TMEM181: variants seen among roughly 807,000 people sequenced by gnomAD.
The protein encoded by TMEM181 is G protein-coupled receptor 178.
TMEM181 carries 39 observed loss-of-function variants against 71.9 expected under a neutral mutation model. The ratio of observed to expected loss-of-function variants is 0.54; its 90% CI spans 0.42 to 0.71. TMEM181 has a LOEUF of 0.71. TMEM181 is among the 30% of genes least tolerant of loss of function. The pLI, the probability that TMEM181 is intolerant of heterozygous loss-of-function variation, is 0.00. For synonymous variants in TMEM181, 245 were observed against 228.8 expected, an observed-to-expected ratio of 1.07 and a Z score of -0.64; for missense variants, 595 against 583.0, an observed-to-expected ratio of 1.02 and a Z score of -0.21.
intron 1 of TMEM181, among the ~76,000 whole-genome samples, chr6:158,562,446 T>TTG (rs58150738): frequency 0.051 from 7,135 of 141,154 alleles, 369 homozygotes; most frequent in African/African-American, 0.15. Context: ...AAGGCTGTTT[T>TTG]TGTGTGTGTG....
chr6:158,633,628 C>CT lies in TMEM181; in HGVS notation c.*1741dup, dbSNP rs1422674497. On this transcript the variant is annotated 3_prime_UTR_variant, in exon 17 of 17. Coordinates refer to ENST00000684151, the MANE Select transcript of TMEM181 (RefSeq NM_001376852.1). ...GGACCTTAGAGATGTTCATGAGAAA[C>CT]TATTTGTTATGACTTTCCTTTGTAT... 1.1e-4 allele frequency: 17 copies of CT among 152,292 alleles called. No individual in the cohort carries two copies. The highest frequency in any genetic ancestry group is 4.1e-4 in the African/African-American group (17 of 41,570). The allele number at this position is 152,292 out of a possible 1,614,324, so 9.4% of individuals were successfully genotyped here.
rs1475786912 is a variant in TMEM181, at chr6:158,570,476, C to T, written c.9-2944C>T. Among the ~76,000 whole-genome samples, 11 of 151,882 alleles carry T rather than the reference C, an allele frequency of 7.2e-5. No homozygotes were observed. In the South Asian group the frequency reaches 1.0e-3, roughly 14 times the overall value. On this transcript the variant is annotated intron_variant, in intron 1 of 16. Coordinates refer to ENST00000684151, the MANE Select transcript of TMEM181 (RefSeq NM_001376852.1). ...CAGGATGGTCTCGATCTCCTGACCTCGTGATCCGCCCGCCTTGGCCTCCCA... is the reference window on the plus strand; with the variant it reads ...CAGGATGGTCTCGATCTCCTGACCTTGTGATCCGCCCGCCTTGGCCTCCCA...
At chr6:158,629,665 G>A (rs367861670) in intron 14 of TMEM181, 65 bp from the exon 15 acceptor site, 4 of 1,360,058 alleles carry the variant, frequency 2.9e-6, no homozygotes, top group Non-Finnish European at 4.0e-6. Context: ...AGGAGTGGTC[G>A]GGCTGTAGGC....
chr6:158,596,893 G>C (rs993892560), intron 6 of TMEM181, among the ~76,000 whole-genome samples: 1 of 152,240 alleles, frequency 6.6e-6, no homozygotes, highest in East Asian at 1.9e-4. Flanking sequence ...ACCTCCCCCG[G>C]GTCCCTCCCA....
chr6:158,629,667 G>A, intron 14 of TMEM181, 63 bp from the exon 15 acceptor site: 1 of 1,386,208 alleles, frequency 7.2e-7, no homozygotes, highest in African/African-American at 1.5e-5. Flanking sequence ...GAGTGGTCGG[G>A]CTGTAGGCAG....
Position 158,607,261 on chromosome 6 carries a change from C to T in TMEM181, c.591C>T (p.Ser197=), listed in dbSNP as rs1785004535. The change falls in exon 8 of 17, where the codon TCC becomes TCT. Residue 197 remains serine (S), a synonymous_variant. Transcript: ENST00000684151. The part of the protein sequence containing the change: ...TFIVTCLFAH[S]LRKFSMRDWG... ...GTTTGCAGTGCCTGTTTGCGCATTC[C>T]CTCCGGAAATTTTCCATGAGAGACT... is the stretch of plus-strand genomic sequence containing the variant. 1.2e-6 allele frequency: 2 copies of T among 1,614,066 alleles called. No individual in the cohort carries two copies. The highest frequency in any genetic ancestry group is 2.7e-5 in the African/African-American group (2 of 74,932).
At position 158,625,158 on chromosome 6, in the gene TMEM181, T is replaced by C; in HGVS notation, c.1009T>C (p.Phe337Leu). Residue 337 changes from phenylalanine to leucine, a missense_variant, in exon 12 of 17, where the codon TTC (phenylalanine) becomes CTC (leucine). Transcript: ENST00000684151. The part of the protein sequence containing the change: ...VAAVYILYLL[F>L]LIVRACSELR... ...AGCGGTGTACATTCTGTACCTCTTG[T>C]TCTTGATAGTGCGGGCGTGTTCCGA... The C allele has an allele frequency of 1.2e-6, 2 of 1,614,196 alleles. No individual in the cohort carries two copies. The highest frequency in any genetic ancestry group is 2.2e-5 in the South Asian group (2 of 91,088).
rs374168649 is a variant in TMEM181 at position 158,563,016 on chromosome 6, C to T, written c.8+2784C>T. 2.6e-4 allele frequency among the ~76,000 whole-genome samples: 39 copies of T among 152,362 alleles called. No homozygotes were observed. The South Asian group carries it at 7.0e-3, about 28-fold the overall frequency. The stretch of plus-strand genomic sequence containing the variant: ...CCACACTCCTGACTGCTGTACTCTG[C>T]TCCTCTCAATAACAGCTGACAGTTC... On this transcript the variant is annotated intron_variant, in intron 1 of 16. Transcript: ENST00000684151.
intron 3 of TMEM181, 97 bp from the exon 4 acceptor site, chr6:158,583,857 T>C (rs1783611232): frequency 3.6e-6 from 3 of 840,628 alleles, no homozygotes; most frequent in East Asian, 2.7e-5. Flanking sequence ...CACTGAAGCC[T>C]TTATTGCTAA....
intron 10 of TMEM181, among the ~76,000 whole-genome samples, chr6:158,615,991 T>C (rs1785590420): frequency 7.0e-6 from 1 of 141,864 alleles, no homozygotes; most frequent in Admixed American, 7.0e-5. Context: ...CCATATAAAC[T>C]TTAAAGTAGT....
intron 1 of TMEM181, among the ~76,000 whole-genome samples, chr6:158,569,430 C>T (rs1306651412): frequency 6.6e-6 from 1 of 152,152 alleles, no homozygotes; most frequent in African/African-American, 2.4e-5. Context: ...GTTGTTTTCT[C>T]TGTCTTTTTT....
intron 6 of TMEM181, among the ~76,000 whole-genome samples, chr6:158,602,821 A>T (rs1784740578): frequency 6.6e-6 from 1 of 152,068 alleles, no homozygotes; most frequent in South Asian, 2.1e-4. Flanking sequence ...GCCTCAAACT[A>T]GCCTCCCACC....
intron 1 of TMEM181, among the ~76,000 whole-genome samples, chr6:158,566,234 A>G (rs1392632676): frequency 1.3e-5 from 2 of 152,032 alleles, no homozygotes; most frequent in Admixed American, 6.6e-5. Context: ...GGGCATGCCA[A>G]GTGGTTGAGT....
Position 158,570,532 on chromosome 6 carries a change from C to T in TMEM181, c.9-2888C>T, listed in dbSNP as rs181417841. Among the ~76,000 whole-genome samples the T allele has an allele frequency of 3.0e-3, 464 of 152,166 alleles. 6 individuals carry two copies. Among genetic ancestry groups the T allele is most frequent in the Non-Finnish European group, 5.1e-3 (350 of 67,988 alleles). On this transcript the variant is annotated intron_variant, in intron 1 of 16. Coordinates refer to ENST00000684151, the MANE Select transcript of TMEM181 (RefSeq NM_001376852.1). ...CTGGGATTACAGGCATGAGCCACTG[C>T]GCCCGGCCCCGTACACTCTTCTTCA...
intron 13 of TMEM181, among the ~76,000 whole-genome samples, chr6:158,626,133 C>T (rs1456123732): frequency 6.6e-6 from 1 of 152,228 alleles, no homozygotes; most frequent in Non-Finnish European, 1.5e-5. Flanking sequence ...AGCAAACACC[C>T]TTGAGCAGCA....
At chr6:158,560,868 C>G (rs1782129047) in intron 1 of TMEM181, among the ~76,000 whole-genome samples, 1 of 151,726 alleles carries the variant, frequency 6.6e-6, no homozygotes, top group Non-Finnish European at 1.5e-5. Flanking sequence ...TGAGGAAAAA[C>G]CTGTTTGGGG....
intron 10 of TMEM181, among the ~76,000 whole-genome samples, chr6:158,618,624 C>G (rs1000991379): frequency 2.0e-5 from 3 of 152,180 alleles, no homozygotes; most frequent in African/African-American, 7.2e-5. Context: ...TTTGCAGTGG[C>G]TGGTACCGTT....
intron 10 of TMEM181, chr6:158,611,221 C>A: frequency 2.0e-6 from 1 of 504,720 alleles, no homozygotes. Flanking sequence ...ATTGACTATC[C>A]TTCTCAGCAG....
intron 10 of TMEM181, among the ~76,000 whole-genome samples, chr6:158,621,007 C>G (rs183764366): frequency 1.7e-4 from 26 of 152,204 alleles, no homozygotes; most frequent in Admixed American, 7.9e-4. Flanking sequence ...CGAAATGTTT[C>G]TGTGTGTCTC....
Sources: allele counts gnomAD v4.1 joint callset (sites outside exome capture counted in the v4.1 genomes callset), GRCh38; gene constraint gnomAD v4.1.1; transcripts MANE v1.5; gene names NCBI Gene and HGNC (gene_info 2026-07-23, HGNC 2026-07-21).